BMPR1B: variants seen among roughly 807,000 people sequenced by gnomAD.
BMPR1B encodes the protein bone morphogenetic protein receptor type-1B.
In BMPR1B, 12 loss-of-function variants were observed where a neutral mutation model predicts 59.1. The observed-to-expected ratio is 0.20, with a 90% CI of 0.13 to 0.33. The LOEUF (loss-of-function observed/expected upper bound fraction) is 0.33, where lower values mean the gene tolerates loss of function less well. BMPR1B is among the 10% of genes least tolerant of loss of function. BMPR1B has a pLI of 1.00. For missense variants in BMPR1B, 550 were observed against 610.9 expected (o/e 0.90, Z 1.05); for synonymous variants, 237 against 207.3 (o/e 1.14, Z -1.23).
At chr4:94,877,954 G>A (rs748075126) in intron 2 of BMPR1B, among the ~76,000 whole-genome samples, 3 of 152,178 alleles carry the variant, frequency 2.0e-5, no homozygotes, top group African/African-American at 4.8e-5. Flanking sequence ...GCATGCACAT[G>A]TGTGCGTGTG....
At chr4:94,987,691 C>T (rs140550459) in intron 2 of BMPR1B, among the ~76,000 whole-genome samples, 107 of 152,050 alleles carry the variant, frequency 7.0e-4, no homozygotes, top group African/African-American at 2.5e-3. Flanking sequence ...CTTTTTTGAC[C>T]CCCCCTCGAA....
intron 2 of BMPR1B, among the ~76,000 whole-genome samples, chr4:94,944,562 A>G (rs1271154469): frequency 1.3e-5 from 2 of 152,196 alleles, no homozygotes; most frequent in African/African-American, 4.8e-5. Context: ...TTAGACGACC[A>G]TGTGCAGTTT....
At position 95,126,424 on chromosome 4, in the gene BMPR1B, A is replaced by G. The variant is rs184626672; in HGVS notation, c.585+1303A>G. On this transcript the variant is annotated intron_variant, in intron 8 of 12. Coordinates refer to ENST00000515059, the MANE Select transcript of BMPR1B (RefSeq NM_001203.3). ...TTAAAAGCATATATTCTCAAGCCAA[A>G]TTGTCTGGGTTCCAATCCTGGCCAG... Among the ~76,000 whole-genome samples, 50 of 152,358 alleles carry G rather than the reference A, an allele frequency of 3.3e-4. 1 individual carries two copies. In the East Asian group the frequency reaches 5.4e-3, roughly 16 times the overall value.
chr4:95,101,172 C>T (rs751698977), intron 3 of BMPR1B, among the ~76,000 whole-genome samples: 25 of 152,036 alleles, frequency 1.6e-4, no homozygotes, highest in African/African-American at 4.6e-4. Flanking sequence ...GTAAAGAAGG[C>T]GCGTACCAGG....
At chr4:95,083,362 A>G (rs966634071) in intron 3 of BMPR1B, among the ~76,000 whole-genome samples, 1 of 152,146 alleles carries the variant, frequency 6.6e-6, no homozygotes, top group Non-Finnish European at 1.5e-5. Flanking sequence ...GGTAAGTACC[A>G]TAATCATGGT....
intron 2 of BMPR1B, among the ~76,000 whole-genome samples, chr4:94,971,707 T>G (rs1730798731): frequency 6.6e-6 from 1 of 151,990 alleles, no homozygotes; most frequent in Non-Finnish European, 1.5e-5. Flanking sequence ...TATCTTCATC[T>G]ATAAATTTCA....
At position 94,886,365 on chromosome 4, in the gene BMPR1B, C is replaced by G. The variant is rs1727171079; in HGVS notation, c.-113+10465C>G. On this transcript the variant is annotated intron_variant, in intron 2 of 12. Transcript: ENST00000515059. ...TAACTGAATTATAAGGGGAAGTTAA[C>G]AAATTTTCAGTAGGAGATTTGAGCA... Among the ~76,000 whole-genome samples, 5 of 152,058 alleles carry G rather than the reference C, an allele frequency of 3.3e-5. No individual in the cohort carries two copies. The South Asian group carries it at 8.3e-4, about 25-fold the overall frequency.
chr4:94,915,960 G>A (rs1006770924), intron 2 of BMPR1B, among the ~76,000 whole-genome samples: 6 of 152,054 alleles, frequency 3.9e-5, no homozygotes, highest in African/African-American at 1.4e-4. Context: ...TCCTTTCTCA[G>A]CCTCTTCCTA....
chr4:95,125,315 A>G (rs1384265651), intron 8 of BMPR1B, among the ~76,000 whole-genome samples, 194 bp downstream of exon 8: 2 of 152,172 alleles, frequency 1.3e-5, no homozygotes, highest in East Asian at 3.9e-4. Context: ...TTGTTTTTTA[A>G]TGTAGGTGTA....
chr4:94,821,531 T>G (rs943400362), intron 1 of BMPR1B, among the ~76,000 whole-genome samples: 2 of 152,142 alleles, frequency 1.3e-5, no homozygotes, highest in African/African-American at 4.8e-5. Context: ...CTTAAGATAG[T>G]GTTGGAAATG....
chr4:94,922,338 T>A (rs1317496999), intron 2 of BMPR1B, among the ~76,000 whole-genome samples: 1 of 152,022 alleles, frequency 6.6e-6, no homozygotes, highest in Non-Finnish European at 1.5e-5. Flanking sequence ...TGCGTGTGTG[T>A]ATGAGAGAGA....
chr4:95,066,365 GC>G (rs1411628538), intron 3 of BMPR1B, among the ~76,000 whole-genome samples: 1 of 126,190 alleles, frequency 7.9e-6, no homozygotes, highest in Non-Finnish European at 1.9e-5. Flanking sequence ...CCCACTCAGG[GC>G]CATGGCCATT....
intron 1 of BMPR1B, among the ~76,000 whole-genome samples, chr4:94,766,905 G>A (rs1184445574): frequency 1.3e-5 from 2 of 151,948 alleles, no homozygotes; most frequent in South Asian, 2.1e-4. Context: ...AAGTTCTGTG[G>A]CCAGAGACAA....
chr4:94,908,381 C>T (rs79326579), intron 2 of BMPR1B, among the ~76,000 whole-genome samples: 5 of 150,704 alleles, frequency 3.3e-5, no homozygotes, highest in Middle Eastern at 3.4e-3. Flanking sequence ...TTAAACCTGT[C>T]CTTCTTAAAC....
chr4:94,845,051 A>G (rs1219020237), intron 1 of BMPR1B, among the ~76,000 whole-genome samples: 1 of 151,656 alleles, frequency 6.6e-6, no homozygotes, highest in Non-Finnish European at 1.5e-5. Context: ...CTGTTATCCA[A>G]TATGAAGGGA....
chr4:95,024,836 C>A (rs919213510), intron 3 of BMPR1B, among the ~76,000 whole-genome samples: 1 of 152,182 alleles, frequency 6.6e-6, no homozygotes, highest in Admixed American at 6.6e-5. Context: ...GGTACATTGG[C>A]TCACACCTGT....
intron 2 of BMPR1B, among the ~76,000 whole-genome samples, chr4:94,987,013 C>T (rs1721448276): frequency 7.1e-6 from 1 of 141,054 alleles, no homozygotes; most frequent in Admixed American, 7.7e-5. Flanking sequence ...TGCACTCCAG[C>T]CTGGGCGACA....
chr4:95,021,882 TC>T (rs1445790569), intron 3 of BMPR1B, among the ~76,000 whole-genome samples: 1 of 152,224 alleles, frequency 6.6e-6, no homozygotes, highest in Non-Finnish European at 1.5e-5. Context: ...GCACGTTCTA[TC>T]TAAAGAGCTT....
chr4:95,085,297 CT>C (rs1729492678), intron 3 of BMPR1B, among the ~76,000 whole-genome samples: 1 of 152,106 alleles, frequency 6.6e-6, no homozygotes, highest in African/African-American at 2.4e-5. Flanking sequence ...GGTCGCTCCC[CT>C]GAGACAGCAA....
Sources: gnomAD v4.1 joint callset for allele counts (sites outside exome capture counted in the v4.1 genomes callset) on GRCh38, gnomAD v4.1.1 for gene constraint, MANE v1.5 for transcripts, NCBI Gene and HGNC (gene_info 2026-07-23, HGNC 2026-07-21) for gene names.